The following TMEM164 variants were observed in gnomAD, a reference collection of about 807,000 sequenced individuals.
The protein encoded by TMEM164 is transmembrane protein 164.
A neutral mutation model predicts 18.8 loss-of-function variants in TMEM164; 4 were observed. The observed-to-expected ratio is 0.21, with a 90% CI of 0.10 to 0.49. The LOEUF (loss-of-function observed/expected upper bound fraction) is 0.49, where lower values mean the gene tolerates loss of function less well. TMEM164 is among the 20% of genes least tolerant of loss of function. The pLI, the probability that TMEM164 is intolerant of heterozygous loss-of-function variation, is 0.98. For synonymous variants in TMEM164, 86 were observed against 101.7 expected (o/e 0.85, Z 0.93); for missense variants, 108 against 239.9 (o/e 0.45, Z 3.63).
chrX:110,102,951 C>G (rs960501158), intron 3 of TMEM164, among the ~76,000 whole-genome samples: 5 of 112,377 alleles, frequency 4.4e-5, no homozygotes, highest in Admixed American at 1.9e-4. Context: ...CCTACAATAC[C>G]TGCAACAATG....
At chrX:110,094,693 G>C (rs2881450) in intron 3 of TMEM164, among the ~76,000 whole-genome samples, 2 of 110,258 alleles carry the variant, frequency 1.8e-5, no homozygotes, top group African/African-American at 6.6e-5. Flanking sequence ...AGGTCAATAT[G>C]GTTATGTGTG....
chrX:110,172,491 C>T (rs2067244586), intron 6 of TMEM164, among the ~76,000 whole-genome samples: 1 of 111,611 alleles, frequency 9.0e-6, no homozygotes, highest in African/African-American at 3.3e-5. Flanking sequence ...CTCTGGTTTG[C>T]TGGGGGCTTA....
chrX:110,004,395 C>G (rs1036371730), intron 2 of TMEM164, among the ~76,000 whole-genome samples: 1 of 111,357 alleles, frequency 9.0e-6, no homozygotes, highest in African/African-American at 3.3e-5. Flanking sequence ...ACCCTAGGAA[C>G]GACTGGCACT....
At position 110,173,457 on chromosome X, in the gene TMEM164, C is replaced by T. The variant is rs1453339503; in HGVS notation, c.*6C>T. ...CAGCCAAGAAAATAGACTGAAGGTG[C>T]TTATTTTTTTTTTTTTTCCTCCCTG... is the stretch of plus-strand genomic sequence containing the variant. On this transcript the variant is annotated 3_prime_UTR_variant, in exon 7 of 7. Coordinates refer to ENST00000372068, the MANE Select transcript of TMEM164 (RefSeq NM_032227.4). 8.5e-7 allele frequency: 1 copy of T among 1,180,684 alleles called. No homozygotes were observed. Among genetic ancestry groups the T allele is most frequent in the African/African-American group, 1.8e-5 (1 of 55,719 alleles).
intron 3 of TMEM164, among the ~76,000 whole-genome samples, chrX:110,076,486 C>A (rs1393333686): frequency 3.6e-5 from 4 of 110,624 alleles, no homozygotes; most frequent in Non-Finnish European, 7.6e-5. Context: ...CATTTCTGCT[C>A]TGGTTTTAGT....
At chrX:110,056,659 A>G in intron 2 of TMEM164, among the ~76,000 whole-genome samples, 1 of 111,681 alleles carries the variant, frequency 9.0e-6, no homozygotes, top group Non-Finnish European at 1.9e-5. Context: ...ATCCCTACCG[A>G]CAGTATAAAA....
chrX:110,105,749 ATG>A (rs1491095284), intron 3 of TMEM164, among the ~76,000 whole-genome samples: 868 of 52,876 alleles, frequency 0.016, no homozygotes, highest in Middle Eastern at 0.039. Context: ...GAGAGAGAGA[ATG>A]AGAGAGAGAG....
chrX:110,084,413 G>GTATAGTATATATATAGTA (rs1569321001), intron 3 of TMEM164, among the ~76,000 whole-genome samples: 1 of 8,768 alleles, frequency 1.1e-4, no homozygotes, highest in African/African-American at 2.6e-4. Flanking sequence ...TATATATAGT[G>GTATAGTATATATATAGTA]TATATATATA....
At chrX:110,110,437 T>C (rs1401290450) in intron 4 of TMEM164, among the ~76,000 whole-genome samples, 1 of 112,003 alleles carries the variant, frequency 8.9e-6, no homozygotes, top group Non-Finnish European at 1.9e-5. Flanking sequence ...CAATTATTTG[T>C]CAGTTAAAAA....
chrX:110,071,246 T>C (rs1407111598), intron 3 of TMEM164, among the ~76,000 whole-genome samples: 3 of 109,604 alleles, frequency 2.7e-5, no homozygotes, highest in Non-Finnish European at 5.7e-5. Context: ...GAAGCAATTC[T>C]CCTGCCTCGG....
At chrX:110,141,476 G>A (rs779967619) in intron 4 of TMEM164, among the ~76,000 whole-genome samples, 25 of 111,951 alleles carry the variant, frequency 2.2e-4, no homozygotes, top group East Asian at 5.6e-4. Context: ...TGAAAAGCAC[G>A]TCTTACATGG....
At chrX:110,085,334 A>G (rs998161289) in intron 3 of TMEM164, among the ~76,000 whole-genome samples, 2 of 79,964 alleles carry the variant, frequency 2.5e-5, no homozygotes, top group African/African-American at 2.0e-4. Context: ...CTAATTAAAA[A>G]AAATATATAT....
In TMEM164 at chrX:110,176,287, G is replaced by A. The variant is rs922455612; in HGVS notation, c.*2836G>A. On this transcript the variant is annotated 3_prime_UTR_variant, in exon 7 of 7. Transcript: ENST00000372068. ...CTCCAAATAGCAGAGACCCAGTCAC[G>A]CCTGCTTCTGGTCCTCCCTGCCCTC... 1.5e-5 allele frequency: 11 copies of A among 754,674 alleles called. No homozygotes were observed. The highest frequency in any genetic ancestry group is 1.5e-4 in the East Asian group (1 of 6,574). The allele number at this position is 754,674 out of a possible 1,213,427, so 62.2% of individuals were successfully genotyped here. A position where few individuals can be genotyped will look rare whatever the true frequency, so the allele number is the denominator to read the frequency against.
intron 5 of TMEM164, among the ~76,000 whole-genome samples, chrX:110,158,748 C>A (rs188752105): frequency 9.0e-6 from 1 of 111,713 alleles, no homozygotes; most frequent in Non-Finnish European, 1.9e-5. Context: ...AGTGAAGAGG[C>A]CTGGCTATGC....
chrX:110,009,303 G>A (rs1377508506), intron 2 of TMEM164, among the ~76,000 whole-genome samples: 2 of 111,676 alleles, frequency 1.8e-5, no homozygotes, highest in South Asian at 3.7e-4. Flanking sequence ...TCTCCTCTAC[G>A]AAACCTTTCC....
chrX:110,039,887 G>T (rs1935015337), intron 2 of TMEM164, among the ~76,000 whole-genome samples: 1 of 111,596 alleles, frequency 9.0e-6, no homozygotes, highest in Non-Finnish European at 1.9e-5. Flanking sequence ...TCTGAGAGTG[G>T]TATGTTTGAT....
intron 2 of TMEM164, among the ~76,000 whole-genome samples, chrX:110,054,273 C>T (rs1421019792): frequency 8.9e-6 from 1 of 111,934 alleles, no homozygotes; most frequent in Non-Finnish European, 1.9e-5. Context: ...GTGCCAGGCA[C>T]CTAGTAAGCA....
rs772535243 is a variant in TMEM164, at chrX:110,176,471, A to G, written c.*3020A>G. ...AATCTCTTTCTCTCTCTCTCCTCAAACTTCATCGCATTCATAGAAGCTGCT... is the reference window on the plus strand; with the variant it reads ...AATCTCTTTCTCTCTCTCTCCTCAAGCTTCATCGCATTCATAGAAGCTGCT... On this transcript the variant is annotated 3_prime_UTR_variant, in exon 7 of 7. Transcript: ENST00000372068. The G allele has an allele frequency of 2.7e-5, 20 of 737,777 alleles. No homozygotes were observed. The African/African-American group carries it at 4.7e-4, about 17-fold the overall frequency. 60.8% of individuals were successfully genotyped at this position (737,777 alleles called of 1,213,427 possible).
rs189470659 is a variant in TMEM164 at position 110,174,560 on chromosome X, G to A, written c.*1109G>A. The A allele has an allele frequency of 2.8e-4, 31 of 110,575 alleles. No homozygotes were observed. The highest frequency in any genetic ancestry group is 1.0e-3 in the African/African-American group (31 of 30,294). The allele number at this position is 110,575 out of a possible 1,213,427, so 9.1% of individuals were successfully genotyped here. On this transcript the variant is annotated 3_prime_UTR_variant, in exon 7 of 7. Transcript: ENST00000372068. ...GTTTCCCTAGGGCCAGATTTCTTCA[G>A]TGTATCCACACTCAGTGCTGAATTG...
Sources: allele counts gnomAD v4.1 joint callset (sites outside exome capture counted in the v4.1 genomes callset), GRCh38; gene constraint gnomAD v4.1.1; transcripts MANE v1.5; gene names NCBI Gene and HGNC (gene_info 2026-07-23, HGNC 2026-07-21).